SLC10A7: variants seen among roughly 807,000 people sequenced by gnomAD.
SLC10A7 encodes the protein sodium/bile acid cotransporter 7.
SLC10A7 carries 29 observed loss-of-function variants against 43.2 expected under a neutral mutation model. The ratio of observed to expected loss-of-function variants is 0.67; its 90% CI spans 0.50 to 0.92. SLC10A7 has a LOEUF of 0.92. Ranked by LOEUF, SLC10A7 falls within the 40% of genes least tolerant of loss-of-function variation. SLC10A7 has a pLI of 0.00. For synonymous variants in SLC10A7, 152 were observed against 144.8 expected (o/e 1.05, Z -0.35); for missense variants, 295 against 403.2 (o/e 0.73, Z 2.30).
chr4:146,293,866 C>A, intron 8 of SLC10A7, 64 bp downstream of exon 8: 7 of 1,058,670 alleles, frequency 6.6e-6, no homozygotes, highest in Non-Finnish European at 9.3e-6. Context: ...AGAGAACACA[C>A]AGTGCTACGC....
intron 4 of SLC10A7, among the ~76,000 whole-genome samples, chr4:146,465,682 A>G (rs1295513280): frequency 6.6e-6 from 1 of 152,112 alleles, no homozygotes; most frequent in East Asian, 1.9e-4. Flanking sequence ...TTCATAAAAT[A>G]CCCCCTTGGC....
chr4:146,424,461 G>C (rs1729179525), intron 5 of SLC10A7, among the ~76,000 whole-genome samples: 1 of 152,140 alleles, frequency 6.6e-6, no homozygotes, highest in African/African-American at 2.4e-5. Context: ...AGGAGTTAGA[G>C]ACCAGCCTGG....
chr4:146,449,475 A>G (rs1187250351), intron 4 of SLC10A7, among the ~76,000 whole-genome samples: 1 of 152,128 alleles, frequency 6.6e-6, no homozygotes, highest in Non-Finnish European at 1.5e-5. Flanking sequence ...TGTATTCTGA[A>G]CAACCCTCTC....
chr4:146,376,492 G>A (rs1737209958), intron 5 of SLC10A7, among the ~76,000 whole-genome samples: 1 of 152,034 alleles, frequency 6.6e-6, no homozygotes. Context: ...TGGCACAGGA[G>A]CAGAGCAGCA....
At chr4:146,256,985 G>T in intron 11 of SLC10A7, 1 of 1,268,100 alleles carries the variant, frequency 7.9e-7, no homozygotes, top group Non-Finnish European at 1.1e-6. Flanking sequence ...TCTCCCTTTT[G>T]GAAATGCTTC....
rs577195153 is a variant in SLC10A7, at chr4:146,292,292, G to T, written c.773+637C>A. On this transcript the variant is annotated intron_variant, in intron 9 of 11. Coordinates refer to ENST00000335472, the MANE Select transcript of SLC10A7 (RefSeq NM_001029998.6). ...CACTATGAAATGCATAACAAAAGTT[G>T]GGTGTAGAAATGGAATTATCAGTAA... 5.9e-5 allele frequency among the ~76,000 whole-genome samples: 9 copies of T among 152,296 alleles called. No homozygotes were observed. In the South Asian group the frequency reaches 1.0e-3, roughly 18 times the overall value.
At chr4:146,468,473 A>AT (rs368637891) in intron 4 of SLC10A7, among the ~76,000 whole-genome samples, 56,589 of 143,432 alleles carry the variant, frequency 0.39, 11,363 homozygotes, top group Admixed American at 0.44. Context: ...TTATATTTTA[A>AT]TTTTTTTTTT....
chr4:146,397,843 T>C (rs1358074958), intron 5 of SLC10A7, among the ~76,000 whole-genome samples: 1 of 152,190 alleles, frequency 6.6e-6, no homozygotes, highest in African/African-American at 2.4e-5. Flanking sequence ...CTCTGGGGTA[T>C]GATTTAACAA....
At chr4:146,423,815 T>C (rs953114063) in intron 5 of SLC10A7, among the ~76,000 whole-genome samples, 4 of 152,184 alleles carry the variant, frequency 2.6e-5, no homozygotes, top group Non-Finnish European at 4.4e-5. Flanking sequence ...ATGATGACAA[T>C]AACAAATGGT....
At chr4:146,458,319 T>TG (rs1296757847) in intron 4 of SLC10A7, among the ~76,000 whole-genome samples, 2 of 151,664 alleles carry the variant, frequency 1.3e-5, no homozygotes, top group Non-Finnish European at 3.0e-5. Flanking sequence ...CTGATAAAAA[T>TG]TTCCTCTGCC....
intron 5 of SLC10A7, among the ~76,000 whole-genome samples, chr4:146,361,896 T>C (rs1736071714): frequency 6.6e-6 from 1 of 152,244 alleles, no homozygotes; most frequent in South Asian, 2.1e-4. Context: ...GAGATTGACA[T>C]TCTTTTAAAA....
intron 10 of SLC10A7, among the ~76,000 whole-genome samples, chr4:146,263,992 A>G (rs558052527): frequency 5.6e-4 from 85 of 152,354 alleles, no homozygotes; most frequent in African/African-American, 1.9e-3. Flanking sequence ...CCATATTTCC[A>G]TGTCACACAT....
chr4:146,284,736 G>C (rs2111126086), intron 9 of SLC10A7, among the ~76,000 whole-genome samples: 1 of 152,252 alleles, frequency 6.6e-6, no homozygotes, highest in Non-Finnish European at 1.5e-5. Flanking sequence ...TATTGTAATA[G>C]CATTCTTGTT....
chr4:146,383,663 G>T (rs953586174), intron 5 of SLC10A7, among the ~76,000 whole-genome samples: 2 of 152,076 alleles, frequency 1.3e-5, no homozygotes, highest in Admixed American at 1.3e-4. Context: ...ACTTCCAACA[G>T]CCTGGACACC....
At chr4:146,324,162 C>A (rs990858977) in intron 6 of SLC10A7, among the ~76,000 whole-genome samples, 1 of 151,944 alleles carries the variant, frequency 6.6e-6, no homozygotes, top group African/African-American at 2.4e-5. Flanking sequence ...CACTGCTCAA[C>A]GAAATAAAAG....
intron 5 of SLC10A7, among the ~76,000 whole-genome samples, chr4:146,399,951 C>G (rs1739112380): frequency 6.6e-6 from 1 of 151,902 alleles, no homozygotes; most frequent in African/African-American, 2.4e-5. Context: ...TACATCAAAC[C>G]ACAGGGTTGG....
intron 5 of SLC10A7, among the ~76,000 whole-genome samples, chr4:146,421,809 T>C (rs778151225): frequency 2.6e-5 from 4 of 152,200 alleles, no homozygotes; most frequent in Non-Finnish European, 4.4e-5. Flanking sequence ...GTTGACCTTC[T>C]CCACTTGGGC....
intron 2 of SLC10A7, among the ~76,000 whole-genome samples, chr4:146,513,720 C>A (rs1313628370): frequency 1.3e-5 from 2 of 152,280 alleles, no homozygotes; most frequent in South Asian, 4.1e-4. Flanking sequence ...CACAAAATCC[C>A]AGCATCATAT....
In SLC10A7 at chr4:146,434,407, T is replaced by G. The variant is rs77910415; in HGVS notation, c.435+8376A>C. On this transcript the variant is annotated intron_variant, in intron 5 of 11. Coordinates refer to ENST00000335472, the MANE Select transcript of SLC10A7 (RefSeq NM_001029998.6). ...GCTTTTGGTATATTTAAAAATTGAA[T>G]CTGGTATCTGATAAATTGCACTTTC... Among the ~76,000 whole-genome samples the G allele has an allele frequency of 2.4e-3, 361 of 152,328 alleles. 3 individuals carry two copies. Among genetic ancestry groups the G allele is most frequent in the African/African-American group, 8.3e-3 (344 of 41,584 alleles).
Sources: gnomAD v4.1 joint callset for allele counts (sites outside exome capture counted in the v4.1 genomes callset) on GRCh38, gnomAD v4.1.1 for gene constraint, MANE v1.5 for transcripts, NCBI Gene and HGNC (gene_info 2026-07-23, HGNC 2026-07-21) for gene names.